The following RAPGEF5 variants were observed in gnomAD, a reference collection of about 807,000 sequenced individuals.
RAPGEF5 encodes the protein M-Ras-regulated GEF.
A neutral mutation model predicts 125.2 loss-of-function variants in RAPGEF5; 65 were observed. That is an observed-to-expected ratio of 0.52 (90% CI 0.43 to 0.64). RAPGEF5 has a LOEUF of 0.64. Ranked by LOEUF, RAPGEF5 falls within the 30% of genes least tolerant of loss-of-function variation. The pLI is 0.00. For synonymous variants in RAPGEF5, 391 were observed against 385.9 expected (o/e 1.01, Z -0.16); for missense variants, 958 against 1,048.1 (o/e 0.91, Z 1.19).
At chr7:22,342,382 C>T (rs904176208) in intron 1 of RAPGEF5, among the ~76,000 whole-genome samples, 2 of 152,130 alleles carry the variant, frequency 1.3e-5, no homozygotes, top group African/African-American at 2.4e-5. Context: ...GTCTCTGACA[C>T]CTTGGACCTT....
intron 7 of RAPGEF5, among the ~76,000 whole-genome samples, chr7:22,254,653 T>C (rs1198243075): frequency 1.3e-5 from 2 of 149,386 alleles, no homozygotes; most frequent in African/African-American, 2.5e-5. Context: ...GATTGTCTCA[T>C]AGAGCAGTCC....
intron 7 of RAPGEF5, among the ~76,000 whole-genome samples, chr7:22,262,191 A>G (rs1419847804): frequency 6.6e-6 from 1 of 152,170 alleles, no homozygotes; most frequent in Admixed American, 6.5e-5. Flanking sequence ...GAATACATAA[A>G]GAACTCTCAA....
chr7:22,238,520 T>C (rs1786247526), intron 7 of RAPGEF5, among the ~76,000 whole-genome samples: 1 of 152,164 alleles, frequency 6.6e-6, no homozygotes, highest in South Asian at 2.1e-4. Flanking sequence ...AGCCAACTAG[T>C]CTATAGGCTG....
At chr7:22,331,086 A>C (rs1265875882) in intron 1 of RAPGEF5, among the ~76,000 whole-genome samples, 1 of 152,208 alleles carries the variant, frequency 6.6e-6, no homozygotes, top group South Asian at 2.1e-4. Context: ...GTTCGACACC[A>C]GAGAACGTCA....
intron 8 of RAPGEF5, among the ~76,000 whole-genome samples, chr7:22,229,944 T>A (rs991307592): frequency 6.6e-6 from 1 of 152,196 alleles, no homozygotes; most frequent in African/African-American, 2.4e-5. Context: ...AGTTATATAA[T>A]CATTGCTGAA....
Position 22,203,633 on chromosome 7 carries a change from C to T in RAPGEF5, c.997-9600G>A, listed in dbSNP as rs566007439. On this transcript the variant is annotated intron_variant, in intron 9 of 25. Transcript: ENST00000665637. ...CAGATATGGTGGTTATTTCCTTCTGCAGAGACTCGGAGGTACATCCATTCG... is the reference window on the plus strand; with the variant it reads ...CAGATATGGTGGTTATTTCCTTCTGTAGAGACTCGGAGGTACATCCATTCG... 5.3e-5 allele frequency among the ~76,000 whole-genome samples: 8 copies of T among 152,312 alleles called. No individual in the cohort carries two copies. In the South Asian group the frequency reaches 1.7e-3, roughly 32 times the overall value.
chr7:22,200,441 C>T (rs1785250625), intron 9 of RAPGEF5, among the ~76,000 whole-genome samples: 1 of 152,158 alleles, frequency 6.6e-6, no homozygotes, highest in African/African-American at 2.4e-5. Context: ...GCTGGCCTAA[C>T]AAATATGTCT....
intron 6 of RAPGEF5, among the ~76,000 whole-genome samples, chr7:22,273,042 G>C (rs573168528): frequency 2.0e-5 from 3 of 151,654 alleles, no homozygotes; most frequent in Non-Finnish European, 4.4e-5. Flanking sequence ...TTGCAGGCGT[G>C]AGCCACCATG....
chr7:22,351,644 C>A (rs1784332429), intron 1 of RAPGEF5, among the ~76,000 whole-genome samples: 1 of 152,160 alleles, frequency 6.6e-6, no homozygotes, highest in Non-Finnish European at 1.5e-5. Flanking sequence ...AAGTTTATAT[C>A]AGAATATGCA....
intron 9 of RAPGEF5, among the ~76,000 whole-genome samples, chr7:22,206,168 A>C (rs189660128): frequency 1.2e-4 from 18 of 152,334 alleles, no homozygotes; most frequent in Admixed American, 1.1e-3. Flanking sequence ...TAGACATCTA[A>C]TATCTTAATT....
intron 8 of RAPGEF5, among the ~76,000 whole-genome samples, chr7:22,221,754 A>G (rs1785795579): frequency 6.6e-6 from 1 of 152,212 alleles, no homozygotes; most frequent in South Asian, 2.1e-4. Flanking sequence ...GCCATGCTGA[A>G]CTGTGAGTCA....
intron 1 of RAPGEF5, among the ~76,000 whole-genome samples, chr7:22,335,322 C>T (rs1464234950): frequency 6.6e-6 from 1 of 152,206 alleles, no homozygotes; most frequent in Non-Finnish European, 1.5e-5. Context: ...ATCTTTAAGC[C>T]ACAGTTCCCT....
chr7:22,168,187 T>G (rs1463041189), intron 11 of RAPGEF5, among the ~76,000 whole-genome samples: 3 of 152,028 alleles, frequency 2.0e-5, no homozygotes, highest in Non-Finnish European at 4.4e-5. Context: ...TAGTATGATG[T>G]ATTAGGAGGG....
intron 7 of RAPGEF5, among the ~76,000 whole-genome samples, chr7:22,259,176 T>C (rs1361269196): frequency 6.6e-6 from 1 of 150,922 alleles, no homozygotes; most frequent in Non-Finnish European, 1.5e-5. Context: ...AACATACCAA[T>C]TAAAAAATGA....
intron 21 of RAPGEF5, among the ~76,000 whole-genome samples, chr7:22,137,263 A>G (rs144316501): frequency 6.6e-6 from 1 of 152,324 alleles, no homozygotes; most frequent in Admixed American, 6.5e-5. Flanking sequence ...TCATTTAATA[A>G]AAACTTAGAT....
At chr7:22,325,935 T>C (rs577582400) in intron 1 of RAPGEF5, among the ~76,000 whole-genome samples, 1 of 152,354 alleles carries the variant, frequency 6.6e-6, no homozygotes, top group African/African-American at 2.4e-5. Context: ...TATTCCTTTG[T>C]AGTGAAAAAC....
rs111977171 is a variant in RAPGEF5, at chr7:22,181,942, T to C, written c.1204+11425A>G. On this transcript the variant is annotated intron_variant, in intron 11 of 25. Coordinates refer to ENST00000665637, the MANE Select transcript of RAPGEF5 (RefSeq NM_012294.5). ...CCACACAAAGAATATCTCTTTTAGA[T>C]GTGGGCTTGTCAGAGCAATTCTATG... Among the ~76,000 whole-genome samples, 44 of 152,340 alleles carry C rather than the reference T, an allele frequency of 2.9e-4. 3 individuals are homozygous for C. Among genetic ancestry groups the C allele is most frequent in the African/African-American group, 1.0e-3 (43 of 41,578 alleles).
chr7:22,203,110 C>T (rs527261493), intron 9 of RAPGEF5, among the ~76,000 whole-genome samples: 3 of 152,210 alleles, frequency 2.0e-5, no homozygotes, highest in African/African-American at 4.8e-5. Context: ...CAATGCAAAC[C>T]GCTGCCTATG....
chr7:22,158,130 A>G (rs6461641), intron 14 of RAPGEF5, among the ~76,000 whole-genome samples: 148,776 of 152,358 alleles, frequency 0.98, 72,649 homozygotes, highest in East Asian at 0.99. Context: ...CACAGAAAGT[A>G]AAGCTCAGAA....
Sources: gnomAD v4.1 joint callset for allele counts (sites outside exome capture counted in the v4.1 genomes callset) on GRCh38, gnomAD v4.1.1 for gene constraint, MANE v1.5 for transcripts, NCBI Gene and HGNC (gene_info 2026-07-23, HGNC 2026-07-21) for gene names.